The following PCDH15 variants were observed in gnomAD, a reference collection of about 807,000 sequenced individuals.
The protein encoded by PCDH15 is protocadherin related 15.
Under a neutral mutation model 178.5 loss-of-function variants are expected in PCDH15, and 129 were observed. The observed-to-expected ratio is 0.72, with a 90% CI of 0.63 to 0.84. PCDH15 has a LOEUF of 0.84. Among genes scored for constraint, PCDH15 ranks in the 40% least tolerant of loss-of-function variants. The pLI is 0.00. For missense variants in PCDH15, 2,230 were observed against 2,099.9 expected, an observed-to-expected ratio of 1.06 and a Z score of -1.21; for synonymous variants, 800 against 732.0, an observed-to-expected ratio of 1.09 and a Z score of -1.50.
chr10:54,247,501 TG>T (rs145640008), intron 8 of PCDH15, among the ~76,000 whole-genome samples: 6,388 of 152,042 alleles, frequency 0.042, 334 homozygotes, highest in African/African-American at 0.12. Flanking sequence ...CAAATAATGA[TG>T]TTTTTTGAGA....
At chr10:53,942,651 C>T (rs1564824464) in intron 23 of PCDH15, among the ~76,000 whole-genome samples, 1 of 152,128 alleles carries the variant, frequency 6.6e-6, no homozygotes, top group Admixed American at 6.6e-5. Context: ...GAATCGAGGC[C>T]CTTAGTCCAA....
intron 2 of PCDH15, among the ~76,000 whole-genome samples, chr10:55,626,084 C>T (rs1013908687): frequency 3.3e-5 from 5 of 151,798 alleles, no homozygotes; most frequent in Admixed American, 2.0e-4. Flanking sequence ...AGGGCCATTG[C>T]ACAGAGGGAG....
At chr10:54,867,958 C>T (rs1410051358) in intron 3 of PCDH15, among the ~76,000 whole-genome samples, 1 of 152,104 alleles carries the variant, frequency 6.6e-6, no homozygotes, top group Non-Finnish European at 1.5e-5. Context: ...AAAAATAGAC[C>T]TTTAATGTTC....
chr10:54,924,816 T>C (rs185815769), intron 2 of PCDH15, among the ~76,000 whole-genome samples: 43 of 152,298 alleles, frequency 2.8e-4, no homozygotes, highest in African/African-American at 7.9e-4. Context: ...TGTACATTTG[T>C]TTAATTTCCT....
intron 2 of PCDH15, among the ~76,000 whole-genome samples, chr10:54,562,702 G>GTC (rs1158698518): frequency 5.9e-5 from 9 of 151,954 alleles, no homozygotes; most frequent in Admixed American, 2.0e-4. Flanking sequence ...CTCACTCTCA[G>GTC]TCTCTCTCTC....
At chr10:53,823,305 TCTGAGA>T in intron 32 of PCDH15, 4 of 1,613,988 alleles carry the variant, frequency 2.5e-6, no homozygotes, top group Non-Finnish European at 3.4e-6. Flanking sequence ...TTTCCTGTCT[TCTGAGA>T]CTGAGTTATT....
At chr10:55,314,836 A>C (rs1033110243) in intron 1 of PCDH15, among the ~76,000 whole-genome samples, 3 of 152,138 alleles carry the variant, frequency 2.0e-5, no homozygotes, top group African/African-American at 7.2e-5. Context: ...TAAAATATAC[A>C]CTTCTTGATA....
intron 2 of PCDH15, among the ~76,000 whole-genome samples, chr10:55,440,670 C>T (rs948926784): frequency 6.6e-6 from 1 of 152,106 alleles, no homozygotes; most frequent in African/African-American, 2.4e-5. Flanking sequence ...CTTTACATAA[C>T]TAACTGTAAC....
intron 2 of PCDH15, among the ~76,000 whole-genome samples, chr10:54,593,008 T>C (rs2091977625): frequency 1.3e-5 from 2 of 152,226 alleles, no homozygotes; most frequent in African/African-American, 4.8e-5. Flanking sequence ...TGTACATCTT[T>C]GGATTAATGT....
intron 1 of PCDH15, among the ~76,000 whole-genome samples, chr10:55,194,835 C>G (rs568797166): frequency 1.3e-5 from 2 of 151,388 alleles, no homozygotes; most frequent in South Asian, 2.1e-4. Flanking sequence ...AAAAAAAAAT[C>G]AATTATTTCC....
rs1564534077 is a variant in PCDH15, at chr10:53,822,432, A to T, written c.4368-2202T>A. 2 of 1,583,396 alleles carry T rather than the reference A, an allele frequency of 1.3e-6. No homozygotes were observed. The highest frequency in any genetic ancestry group is 1.7e-4 in the Middle Eastern group (1 of 5,952). ...AGGAGAAATGTCAGGAGGAGGAGCA[A>T]GAGGAGCAGGAGCAGGAGGAGGAGA... On this transcript the variant is annotated intron_variant, in intron 32 of 37. Coordinates refer to ENST00000644397, the MANE Select transcript of PCDH15 (RefSeq NM_001384140.1).
intron 1 of PCDH15, among the ~76,000 whole-genome samples, chr10:54,791,083 C>T (rs1332497987): frequency 1.3e-5 from 2 of 151,862 alleles, no homozygotes; most frequent in African/African-American, 4.8e-5. Flanking sequence ...TTCATGTTTA[C>T]TAATAACCTC....
At chr10:55,553,441 A>T (rs2132090297) in intron 2 of PCDH15, among the ~76,000 whole-genome samples, 1 of 152,010 alleles carries the variant, frequency 6.6e-6, no homozygotes, top group South Asian at 2.1e-4. Context: ...AACCCTGAAC[A>T]AAGTGGTGTT....
intron 25 of PCDH15, among the ~76,000 whole-genome samples, chr10:53,926,465 A>G (rs140939302): frequency 1.8e-3 from 270 of 152,338 alleles, no homozygotes; most frequent in African/African-American, 6.3e-3. Flanking sequence ...ATCTCAGGTA[A>G]TTATCACCAG....
chr10:54,067,947 A>T (rs965999330), intron 17 of PCDH15, among the ~76,000 whole-genome samples: 1 of 151,536 alleles, frequency 6.6e-6, no homozygotes, highest in African/African-American at 2.4e-5. Flanking sequence ...GGGGCTAAGG[A>T]GTCAAGTGAT....
chr10:55,442,470 T>TATATATATTATATATATATAATATA (rs5785132), intron 2 of PCDH15, among the ~76,000 whole-genome samples: 2 of 124,698 alleles, frequency 1.6e-5, no homozygotes, highest in African/African-American at 3.2e-5. Context: ...TATATATATA[T>TATATATATTATATATATATAATATA]TATATATATA....
chr10:54,253,165 A>G (rs138281224), intron 8 of PCDH15, among the ~76,000 whole-genome samples: 232 of 152,240 alleles, frequency 1.5e-3, no homozygotes, highest in African/African-American at 5.4e-3. Context: ...TTCACAATTC[A>G]GAACTGGAGA....
At chr10:55,598,867 A>T (rs1227126909) in intron 2 of PCDH15, among the ~76,000 whole-genome samples, 1 of 151,978 alleles carries the variant, frequency 6.6e-6, no homozygotes, top group Admixed American at 6.6e-5. Context: ...ACCTGGATAA[A>T]CCAAAGTGTA....
chr10:55,250,628 C>T (rs1841811445), intron 1 of PCDH15, among the ~76,000 whole-genome samples: 1 of 148,868 alleles, frequency 6.7e-6, no homozygotes, highest in African/African-American at 2.5e-5. Flanking sequence ...CCTTCACCTC[C>T]CGGGTTCAAG....
Sources: gnomAD v4.1 joint callset for allele counts (sites outside exome capture counted in the v4.1 genomes callset) on GRCh38, gnomAD v4.1.1 for gene constraint, MANE v1.5 for transcripts, NCBI Gene and HGNC (gene_info 2026-07-23, HGNC 2026-07-21) for gene names.